Variants in SENP6 observed in about 807,000 individuals in gnomAD.
SENP6 encodes SUMO specific peptidase 6, also known as sentrin-specific protease 6.
SENP6 carries 41 observed loss-of-function variants against 134.5 expected under a neutral mutation model. That is an observed-to-expected ratio of 0.30 (90% CI 0.24 to 0.40). SENP6 has a LOEUF of 0.40. SENP6 is among the 10% of genes least tolerant of loss of function. The pLI, the probability that SENP6 is intolerant of heterozygous loss-of-function variation, is 1.00. For missense variants in SENP6, 1,248 were observed against 1,312.5 expected (o/e 0.95, Z 0.76); for synonymous variants, 395 against 429.8 (o/e 0.92, Z 1.00).
At position 75,647,721 on chromosome 6, in the gene SENP6, T is replaced by A; in HGVS notation, c.480-10T>A. 1 of 1,580,824 alleles carries A rather than the reference T, an allele frequency of 6.3e-7. No individual in the cohort carries two copies. On this transcript the variant is annotated splice_polypyrimidine_tract_variant and intron_variant, in intron 6 of 23. Coordinates refer to ENST00000447266, the MANE Select transcript of SENP6 (RefSeq NM_015571.4). ...CTGTTAGAATAAAACTACATAAATT[T>A]CTTTTTTAGGAAAGAATACCCACCT...
At chr6:75,701,190 C>T (rs1774997697) in intron 18 of SENP6, among the ~76,000 whole-genome samples, 1 of 152,202 alleles carries the variant, frequency 6.6e-6, no homozygotes, top group Non-Finnish European at 1.5e-5. Flanking sequence ...GAACACCCTA[C>T]CATAGGACAA....
rs780571297 is a variant in SENP6 at position 75,711,383 on chromosome 6, G to C, written c.2876G>C (p.Gly959Ala). 66 of 1,613,118 alleles carry C rather than the reference G, an allele frequency of 4.1e-5. No individual in the cohort carries two copies. In the East Asian group the frequency reaches 1.5e-3, roughly 36 times the overall value. Residue 959 changes from glycine (G) to alanine (A), a missense_variant, in exon 21 of 24, where the codon GGA becomes GCA. By Grantham distance (60) the Gly-to-Ala change is moderately conservative. This residue lies in a region of SENP6 where 386 missense variants were observed against 395.0 expected (regional missense o/e 0.98). Transcript: ENST00000447266. ...GATGACAACTGCAGTTCAGAAATAG[G>C]ACAGTGGCATTTAAAGCCTACTATC... ...LADDNCSSEIGQWHLKPTICK... is the reference protein window; with the variant it reads ...LADDNCSSEIAQWHLKPTICK...
intron 6 of SENP6, among the ~76,000 whole-genome samples, chr6:75,643,908 C>T (rs929121905): frequency 1.3e-5 from 2 of 152,114 alleles, no homozygotes; most frequent in East Asian, 1.9e-4. Flanking sequence ...AAAGAGCTAT[C>T]ATTAAAGCAA....
chr6:75,652,133 C>T (rs923243140), intron 7 of SENP6, among the ~76,000 whole-genome samples: 5 of 151,886 alleles, frequency 3.3e-5, no homozygotes, highest in African/African-American at 7.3e-5. Context: ...GCCACAATCG[C>T]GCCACTGTCC....
At position 75,618,769 on chromosome 6, in the gene SENP6, T is replaced by C. The variant is rs538461097; in HGVS notation, c.53-2763T>C. 1.5e-3 allele frequency among the ~76,000 whole-genome samples: 222 copies of C among 152,342 alleles called. 1 individual carries two copies. The highest frequency in any genetic ancestry group is 5.1e-3 in the African/African-American group (212 of 41,574). On this transcript the variant is annotated intron_variant, in intron 1 of 23. Transcript: ENST00000447266. ...ACCATAGGGTTCATTCTGTCTTTCC[T>C]CTCTTGCTTATTTGTAACTTCTTTA... is the stretch of plus-strand genomic sequence containing the variant.
chr6:75,702,898 C>A lies in SENP6; in HGVS notation c.2542C>A (p.Pro848Thr). The A allele has an allele frequency of 6.2e-7, 1 of 1,613,876 alleles. No homozygotes were observed. Among genetic ancestry groups the A allele is most frequent in the Non-Finnish European group, 8.5e-7 (1 of 1,179,960 alleles). The change falls in exon 19 of 24, where the codon CCT becomes ACT. Residue 848 changes from proline (P) to threonine (T), a missense_variant. Coordinates refer to ENST00000447266, the MANE Select transcript of SENP6 (RefSeq NM_015571.4). ...DSNPGQEESD[P>T]RYKRNICSVK... The stretch of plus-strand genomic sequence containing the variant: ...CAATCCTGGGCAGGAAGAAAGTGAC[C>A]CTCGTTATAAGAGAAACATATGCAG...
chr6:75,675,586 A>G (rs1487815944), intron 12 of SENP6, 118 bp downstream of exon 12: 21 of 701,204 alleles, frequency 3.0e-5, no homozygotes, highest in South Asian at 7.9e-5. Flanking sequence ...TGTTACATAT[A>G]TCTTCTTATC....
intron 7 of SENP6, among the ~76,000 whole-genome samples, chr6:75,651,091 C>G (rs1303914324): frequency 5.3e-5 from 8 of 152,078 alleles, no homozygotes; most frequent in Non-Finnish European, 1.5e-5. Flanking sequence ...ACCACAAGTC[C>G]TGTTGCTTTT....
intron 1 of SENP6, among the ~76,000 whole-genome samples, chr6:75,620,082 CAAA>C (rs10526946): frequency 1.6e-4 from 20 of 127,856 alleles, no homozygotes; most frequent in African/African-American, 2.3e-4. Flanking sequence ...TACCTTGCCT[CAAA>C]AAAAAAAAAA....
intron 6 of SENP6, chr6:75,647,271 G>A (rs568305157): frequency 7.9e-5 from 12 of 152,844 alleles, no homozygotes; most frequent in African/African-American, 2.9e-4. Flanking sequence ...TTTGGATGTA[G>A]TATTTAGATA....
chr6:75,620,286 T>A (rs983368701), intron 1 of SENP6, among the ~76,000 whole-genome samples: 1 of 152,188 alleles, frequency 6.6e-6, no homozygotes, highest in Non-Finnish European at 1.5e-5. Flanking sequence ...TCATCTCTTA[T>A]GATTAGGGAT....
At chr6:75,615,867 A>ATT (rs1165361744) in intron 1 of SENP6, among the ~76,000 whole-genome samples, 1 of 152,192 alleles carries the variant, frequency 6.6e-6, no homozygotes, top group Non-Finnish European at 1.5e-5. Context: ...AATGAATTCA[A>ATT]TTTATTTTAT....
chr6:75,623,921 G>A lies in SENP6; in HGVS notation c.168G>A (p.Val56=). The A allele has an allele frequency of 6.2e-7, 1 of 1,608,344 alleles. No individual in the cohort carries two copies. Among genetic ancestry groups the A allele is most frequent in the Non-Finnish European group, 8.5e-7 (1 of 1,176,924 alleles). ...GTAGTGGGACAAATCTGCTCAGTGT[G>A]GATGAAGATGAGGATTCTGAAACCT... ...TDKDGTNLLS[V]DEDEDSETSK... Residue 56 remains valine (V), a synonymous_variant, in exon 3 of 24, where the codon GTG becomes GTA. Transcript: ENST00000447266.
At chr6:75,657,353 C>G (rs1035003831) in intron 7 of SENP6, among the ~76,000 whole-genome samples, 1 of 152,058 alleles carries the variant, frequency 6.6e-6, no homozygotes, top group African/African-American at 2.4e-5. Flanking sequence ...AAAATAATAC[C>G]TGGATGCTCT....
rs1241002871 is a variant in SENP6, at chr6:75,666,220, G to GAT, written c.995-484_995-483dup. Among the ~76,000 whole-genome samples the GAT allele has an allele frequency of 4.3e-5, 6 of 140,704 alleles. 1 individual carries two copies. In the South Asian group the frequency reaches 1.3e-3, roughly 31 times the overall value. 92.3% of individuals were successfully genotyped at this position (140,704 alleles called of 152,430 possible). A position where few individuals can be genotyped will look rare whatever the true frequency, so the allele number is the denominator to read the frequency against. The stretch of plus-strand genomic sequence containing the variant: ...ACGTATATATGATATATATAAGTAT[G>GAT]ATATATATAAAATATGATATATAAA... On this transcript the variant is annotated intron_variant, in intron 9 of 23. Transcript: ENST00000447266.
intron 19 of SENP6, among the ~76,000 whole-genome samples, chr6:75,708,711 A>G (rs1476109899): frequency 2.6e-5 from 4 of 152,138 alleles, no homozygotes; most frequent in Non-Finnish European, 5.9e-5. Flanking sequence ...CCTGGTCAAC[A>G]TGGCAAAACC....
chr6:75,620,583 A>G (rs1249286639), intron 1 of SENP6: 2 of 152,094 alleles, frequency 1.3e-5, no homozygotes, highest in African/African-American at 2.4e-5. Context: ...ACCTCTTAAT[A>G]CCATCTGTAT....
Position 75,666,858 on chromosome 6 carries a change from G to A in SENP6, c.1141G>A (p.Ala381Thr), listed in dbSNP as rs1394229688. ...AGCGCTAAATGAAAATACTTGCAGA[G>A]CAGAGCGTGAACTACGAAGCATTCC... ...EAALNENTCRAERELRSIPED... is the reference protein window; with the variant it reads ...EAALNENTCRTERELRSIPED... Residue 381 changes from alanine to threonine, a missense_variant, in exon 10 of 24, where the codon GCA becomes ACA. Around this residue, in one of 3 missense-constraint regions of SENP6, gnomAD observed 733 missense variants for 725.4 expected, o/e 1.01. Coordinates refer to ENST00000447266, the MANE Select transcript of SENP6 (RefSeq NM_015571.4). 2 of 1,613,670 alleles carry A rather than the reference G, an allele frequency of 1.2e-6. No individual in the cohort carries two copies. The highest frequency in any genetic ancestry group is 1.7e-6 in the Non-Finnish European group (2 of 1,179,674).
At chr6:75,609,627 A>G (rs1164464926) in intron 1 of SENP6, among the ~76,000 whole-genome samples, 3 of 152,208 alleles carry the variant, frequency 2.0e-5, no homozygotes, top group African/African-American at 7.2e-5. Flanking sequence ...TGGTATTTTA[A>G]ATGACAATTC....
Sources: allele counts gnomAD v4.1 joint callset (sites outside exome capture counted in the v4.1 genomes callset), GRCh38; gene constraint gnomAD v4.1.1; regional missense constraint gnomAD v4.1.1; transcripts MANE v1.5; gene names NCBI Gene and HGNC (gene_info 2026-07-23, HGNC 2026-07-21).